The following PROKR2 variants were observed in gnomAD, a reference collection of about 807,000 sequenced individuals.
PROKR2 encodes the protein G protein-coupled receptor 73-like 1.
A neutral mutation model predicts 23.4 loss-of-function variants in PROKR2; 26 were observed. That is an observed-to-expected ratio of 1.11 (90% CI 0.81 to 1.54). PROKR2 has a LOEUF of 1.54. Ranked by LOEUF, PROKR2 falls within the 40% of genes most tolerant of loss-of-function variation. The pLI, the probability that PROKR2 is intolerant of heterozygous loss-of-function variation, is 0.00. For synonymous variants in PROKR2, 212 were observed against 201.2 expected, an observed-to-expected ratio of 1.05 and a Z score of -0.45; for missense variants, 453 against 511.5, an observed-to-expected ratio of 0.89 and a Z score of 1.10.
chr20:5,315,903 C>A (rs910972), intron 1 of PROKR2: 1 of 456,142 alleles, frequency 2.2e-6, no homozygotes, highest in Non-Finnish European at 4.4e-6. Context: ...GGCGCGCGCC[C>A]GGGCTGGGAC....
Position 5,307,298 on chromosome 20 carries a change from C to T in PROKR2, c.459-4562G>A, listed in dbSNP as rs192265865. 2.3e-3 allele frequency among the ~76,000 whole-genome samples: 351 copies of T among 152,310 alleles called. 2 individuals are homozygous for T. The highest frequency in any genetic ancestry group is 6.6e-4 in the Non-Finnish European group (45 of 68,046). On this transcript the variant is annotated intron_variant, in intron 2 of 2. Transcript: ENST00000678254. ...GCTATGATAGCGGTGATCACCATTG[C>T]CATGAGTATTCCTTCAACAACGGCT...
chr20:5,307,536 A>G (rs1979264544), intron 2 of PROKR2, among the ~76,000 whole-genome samples: 1 of 152,260 alleles, frequency 6.6e-6, no homozygotes, highest in Non-Finnish European at 1.5e-5. Context: ...ATACTTGTTT[A>G]GGAAGATTGC....
At chr20:5,306,168 G>A (rs7348074) in intron 2 of PROKR2, among the ~76,000 whole-genome samples, 1,945 of 152,264 alleles carry the variant, frequency 0.013, 47 homozygotes, top group African/African-American at 0.044. Context: ...TAGAACAATG[G>A]CCACTAAGTA....
At position 5,301,204 on chromosome 20, in the gene PROKR2, G is replaced by GGTTGTTGTTGTTGTT. The variant is rs11472556; in HGVS notation, c.*821_*835dup. ...CTAAGAGTCTTCTTCTATAGCCGTT[G>GGTTGTTGTTGTTGTT]GTTGTTGTTGTTGTTGTTTTGTTGT... On this transcript the variant is annotated 3_prime_UTR_variant, in exon 3 of 3. Coordinates refer to ENST00000678254, the MANE Select transcript of PROKR2 (RefSeq NM_144773.4). Among the ~76,000 whole-genome samples the GGTTGTTGTTGTTGTT allele has an allele frequency of 6.6e-6, 1 of 151,310 alleles. No homozygotes were observed. The highest frequency in any genetic ancestry group is 6.6e-5 in the Admixed American group (1 of 15,190).
intron 2 of PROKR2, among the ~76,000 whole-genome samples, chr20:5,312,355 T>C (rs7270894): frequency 0.51 from 77,604 of 152,022 alleles, 20,123 homozygotes; most frequent in African/African-American, 0.61. Flanking sequence ...GATCTGCCCG[T>C]CTCAGCCTCC....
intron 2 of PROKR2, among the ~76,000 whole-genome samples, chr20:5,312,788 G>C (rs559178465): frequency 6.6e-6 from 1 of 152,160 alleles, no homozygotes; most frequent in Admixed American, 6.5e-5. Context: ...CTGCCCCCTC[G>C]AACAGAGCCA....
Position 5,316,005 on chromosome 20 carries a change from T to A in PROKR2, c.-9+489A>T. Reference sequence around the variant, plus strand: ...TCCCGCCCCATCAACGCGGCCGCACTGTCGGCGTCTAGAGGCGACATCCTG... The same window carrying A: ...TCCCGCCCCATCAACGCGGCCGCACAGTCGGCGTCTAGAGGCGACATCCTG... On this transcript the variant is annotated intron_variant, in intron 1 of 2. Coordinates refer to ENST00000678254, the MANE Select transcript of PROKR2 (RefSeq NM_144773.4). This position sits in a 1 kb window ranked among gnomAD's most constrained non-coding sequence, Gnocchi z 5.0. 1 of 456,068 alleles carries A rather than the reference T, an allele frequency of 2.2e-6. No homozygotes were observed. The highest frequency in any genetic ancestry group is 4.4e-6 in the Non-Finnish European group (1 of 226,782). The allele number at this position is 456,068 out of a possible 1,614,324, so 28.3% of individuals were successfully genotyped here.
At chr20:5,306,219 A>G (rs938829335) in intron 2 of PROKR2, among the ~76,000 whole-genome samples, 1 of 152,260 alleles carries the variant, frequency 6.6e-6, no homozygotes, top group Non-Finnish European at 1.5e-5. Context: ...TTACTGAACA[A>G]TTAGAAAATG....
chr20:5,314,708 G>C (rs6053297), intron 1 of PROKR2, among the ~76,000 whole-genome samples: 113,481 of 152,174 alleles, frequency 0.75, 42,555 homozygotes, highest in African/African-American at 0.83. Flanking sequence ...GGATCAGACT[G>C]TCCAGAACTC....
At chr20:5,306,463 T>C (rs1044970540) in intron 2 of PROKR2, among the ~76,000 whole-genome samples, 6 of 152,242 alleles carry the variant, frequency 3.9e-5, no homozygotes, top group African/African-American at 1.4e-4. Flanking sequence ...AGCAAGACTG[T>C]GAATGGTTTG....
rs751875578 is a variant in PROKR2, at chr20:5,302,704, C to G, written c.491G>C (p.Arg164Pro). ...GAAGGAGGCCGTTTGATAATTCATC[C>G]GTGGTTTCAAGGGGTGAACGATGGC... ...YLAIVHPLKP[R>P]MNYQTASFLI... Residue 164 changes from arginine to proline, a missense_variant, in exon 3 of 3, where the codon CGG becomes CCG. Coordinates refer to ENST00000678254, the MANE Select transcript of PROKR2 (RefSeq NM_144773.4). The G allele has an allele frequency of 3.7e-6, 6 of 1,614,056 alleles. No individual in the cohort carries two copies. The highest frequency in any genetic ancestry group is 4.2e-6 in the Non-Finnish European group (5 of 1,179,944).
rs773065797 is a variant in PROKR2, at chr20:5,302,259, G to A, written c.936C>T (p.Leu312=). 1.9e-6 allele frequency: 3 copies of A among 1,614,240 alleles called. No individual in the cohort carries two copies. The highest frequency in any genetic ancestry group is 1.7e-5 in the Admixed American group (1 of 60,028). ...PTVFVKEKHY[L]TAFYVVECIA... is the part of the protein sequence containing the mutation. ...TGCACTCGACCACGTAGAAGGCAGT[G>A]AGGTAGTGCTTTTCCTTCACGAACA... The change falls in exon 3 of 3, where the codon CTC becomes CTT. Residue 312 remains leucine (L), a synonymous_variant. Transcript: ENST00000678254.
rs147311278 is a variant in PROKR2 at position 5,302,041 on chromosome 20, C to A, written c.1154G>T (p.Ter385LeuextTer43). The A allele has an allele frequency of 4.0e-5, 64 of 1,613,368 alleles. No homozygotes were observed. In the African/African-American group the frequency reaches 8.1e-4, roughly 20 times the overall value. ...TEEVDCIRLK* is the reference protein window; with the variant it reads ...TEEVDCIRLKL ...TTTCAATTGTGTGACACCAGTGGGT[C>A]ACTTCAGCCTGATACAGTCCACCTC... Residue 385 changes from the stop codon to leucine (L), a stop_lost, in exon 3 of 3, where the codon TGA becomes TTA. Coordinates refer to ENST00000678254, the MANE Select transcript of PROKR2 (RefSeq NM_144773.4).
intron 2 of PROKR2, among the ~76,000 whole-genome samples, chr20:5,311,427 T>C (rs182806596): frequency 2.8e-4 from 43 of 152,256 alleles, no homozygotes; most frequent in African/African-American, 1.0e-3. Context: ...TTGTCTGTGG[T>C]GTTGTAACAA....
In PROKR2 at chr20:5,302,135, G is replaced by A. The variant is rs1272592822; in HGVS notation, c.1060C>T (p.Pro354Ser). Residue 354 changes from proline (P) to serine (S), a missense_variant, in exon 3 of 3, where the codon CCC becomes TCC. Pro to Ser is a moderately conservative substitution (Grantham distance 74). Transcript: ENST00000678254. ...CTGGACTTGCTCCCCCGCTGGGAGGGACGCCAGTGCAGCAGCATCATCTTC... is the reference window on the plus strand; with the variant it reads ...CTGGACTTGCTCCCCCGCTGGGAGGAACGCCAGTGCAGCAGCATCATCTTC... ...FKKMMLLHWRPSQRGSKSSAD... is the reference protein window; with the variant it reads ...FKKMMLLHWRSSQRGSKSSAD... 6.2e-7 allele frequency: 1 copy of A among 1,614,234 alleles called. No individual in the cohort carries two copies. The highest frequency in any genetic ancestry group is 8.5e-7 in the Non-Finnish European group (1 of 1,180,040).
chr20:5,300,685 C>T lies in PROKR2; in HGVS notation c.*1355G>A, dbSNP rs1223696665. Among the ~76,000 whole-genome samples the T allele has an allele frequency of 1.3e-5, 2 of 152,182 alleles. No individual in the cohort carries two copies. Among genetic ancestry groups the T allele is most frequent in the Non-Finnish European group, 2.9e-5 (2 of 68,038 alleles). ...AACATCATGAATTTAGGACTTGAGT[C>T]TTAGAGTTAGGACCTGAACCCAGGT... On this transcript the variant is annotated 3_prime_UTR_variant, in exon 3 of 3. Coordinates refer to ENST00000678254, the MANE Select transcript of PROKR2 (RefSeq NM_144773.4).
chr20:5,304,011 C>T (rs1337586606), intron 2 of PROKR2, among the ~76,000 whole-genome samples: 2 of 152,144 alleles, frequency 1.3e-5, no homozygotes, highest in Non-Finnish European at 2.9e-5. Flanking sequence ...GTTTATTTGC[C>T]AGCTAAAGCT....
intron 2 of PROKR2, 71 bp from the exon 3 acceptor site, chr20:5,302,807 A>T: frequency 8.7e-7 from 1 of 1,146,310 alleles, no homozygotes; most frequent in Admixed American, 1.7e-5. Context: ...CTAACCCCAA[A>T]CATACACTAA....
At chr20:5,315,125 G>T (rs1035644701) in intron 1 of PROKR2, among the ~76,000 whole-genome samples, 1 of 146,456 alleles carries the variant, frequency 6.8e-6, no homozygotes, top group East Asian at 2.2e-4. Flanking sequence ...GTGGGGGCTA[G>T]ACAGACATCT....
Sources: allele counts gnomAD v4.1 joint callset (sites outside exome capture counted in the v4.1 genomes callset), GRCh38; gene constraint gnomAD v4.1.1; non-coding constraint Gnocchi (gnomAD v3.1); transcripts MANE v1.5; gene names NCBI Gene and HGNC (gene_info 2026-07-23, HGNC 2026-07-21).